The following GFI1B variants were observed in gnomAD, a reference collection of about 807,000 sequenced individuals.
GFI1B encodes growth factor independent 1B transcriptional repressor, also known as zinc finger protein Gfi-1b.
GFI1B carries 20 observed loss-of-function variants against 35.3 expected under a neutral mutation model. The observed-to-expected ratio is 0.57, with a 90% confidence interval of 0.40 to 0.82. The LOEUF is 0.82. Among genes scored for constraint, GFI1B ranks in the 40% least tolerant of loss-of-function variants. The pLI is 0.00. For missense variants in GFI1B, 430 were observed against 446.3 expected (o/e 0.96, Z 0.33); for synonymous variants, 178 against 177.6 (o/e 1.00, Z -0.02).
chr9:132,991,580 T>A lies in GFI1B; in HGVS notation c.*530T>A, dbSNP rs15906. On this transcript the variant is annotated 3_prime_UTR_variant, in exon 7 of 7. Transcript: ENST00000372122. ...ACTTCCGACCAGCACTCAGCTGGCC[T>A]CTGGGGATTCTAGCTCCACAACCAG... 27,759 of 158,352 alleles carry A rather than the reference T, an allele frequency of 0.18. 2,734 individuals are homozygous for A. Among genetic ancestry groups the A allele is most frequent in the East Asian group, 0.31 (1,692 of 5,374 alleles). 9.8% of individuals were successfully genotyped at this position (158,352 alleles called of 1,614,324 possible).
chr9:132,979,752 C>G (rs146068435), intron 1 of GFI1B, among the ~76,000 whole-genome samples: 57 of 152,314 alleles, frequency 3.7e-4, no homozygotes, highest in African/African-American at 1.2e-3. Flanking sequence ...AGTGTTGAGG[C>G]ATCTGAGGAG....
At chr9:132,982,368 T>C (rs928386613) in intron 1 of GFI1B, among the ~76,000 whole-genome samples, 1 of 152,152 alleles carries the variant, frequency 6.6e-6, no homozygotes, top group Admixed American at 6.5e-5. Context: ...AGGGGCCTCA[T>C]TACAGGGACA....
At chr9:132,979,844 G>A (rs1848759356) in intron 1 of GFI1B, among the ~76,000 whole-genome samples, 1 of 152,136 alleles carries the variant, frequency 6.6e-6, no homozygotes, top group Admixed American at 6.5e-5. Flanking sequence ...ATTTTTCCGG[G>A]GAGAAAGTCC....
chr9:132,977,020 C>T (rs990289768), upstream of GFI1B, among the ~76,000 whole-genome samples: 4 of 152,166 alleles, frequency 2.6e-5, no homozygotes, highest in Non-Finnish European at 4.4e-5. Context: ...TGCAATGGTG[C>T]GATCTGGACT....
chr9:132,962,113 T>A (rs1259250188), intron 1 of GFI1B, among the ~76,000 whole-genome samples: 1 of 150,536 alleles, frequency 6.6e-6, no homozygotes, highest in Non-Finnish European at 1.5e-5. Flanking sequence ...CACACATGTG[T>A]GCATACAGAA....
downstream of GFI1B, among the ~76,000 whole-genome samples, chr9:132,992,651 C>T (rs1408875867): frequency 1.3e-5 from 2 of 152,202 alleles, no homozygotes; most frequent in Non-Finnish European, 2.9e-5. Context: ...TAGCCATCTC[C>T]TCCATGAAGC....
At chr9:132,975,598 G>T (rs1848614441), upstream of GFI1B, among the ~76,000 whole-genome samples, 2 of 152,112 alleles carry the variant, frequency 1.3e-5, no homozygotes, top group South Asian at 4.1e-4. Context: ...CTACCCTCTA[G>T]ACCAGGAAGG....
In GFI1B at chr9:132,988,447, C is replaced by A; in HGVS notation, c.489C>A (p.Tyr163Ter). 1 of 1,613,866 alleles carries A rather than the reference C, an allele frequency of 6.2e-7. No homozygotes were observed. The change falls in exon 4 of 7, where the codon TAC (tyrosine) becomes TAA (stop). Residue 163 changes from tyrosine (Y) to a stop codon, truncating the protein, a stop_gained. Transcript: ENST00000372122. LOFTEE classifies it high-confidence loss of function. ...SLRYSPGMDA[Y>*]HCVKCNKVFS... ...GCTACTCCCCAGGCATGGATGCGTA[C>A]CACTGTGTGAAGTGCAACAAGGTGG... is the stretch of plus-strand genomic sequence containing the variant.
At chr9:132,969,272 C>G (rs1211437953) in intron 1 of GFI1B, among the ~76,000 whole-genome samples, 1 of 152,196 alleles carries the variant, frequency 6.6e-6, no homozygotes, top group Non-Finnish European at 1.5e-5. Flanking sequence ...CTCAGGAGAT[C>G]CGCCTGCCTC....
At position 132,991,160 on chromosome 9, in the gene GFI1B, G is replaced by A. The variant is rs1849283070; in HGVS notation, c.*110G>A. ...CTCCTGGAGGTGGGACTGGACAGGA[G>A]TCTACCAGCTTGTTTTGAGACTCAT... On this transcript the variant is annotated 3_prime_UTR_variant, in exon 7 of 7. Coordinates refer to ENST00000372122, the MANE Select transcript of GFI1B (RefSeq NM_001377304.1). 2.0e-6 allele frequency: 2 copies of A among 978,724 alleles called. No individual in the cohort carries two copies. Among genetic ancestry groups the A allele is most frequent in the African/African-American group, 1.6e-5 (1 of 62,568 alleles). 60.6% of individuals were successfully genotyped at this position (978,724 alleles called of 1,614,324 possible). A position where few individuals can be genotyped will look rare whatever the true frequency, so the allele number is the denominator to read the frequency against.
At chr9:132,964,154 C>T (rs1848413432) in intron 1 of GFI1B, among the ~76,000 whole-genome samples, 1 of 152,136 alleles carries the variant, frequency 6.6e-6, no homozygotes, top group East Asian at 1.9e-4. Context: ...GCAGGAAAAT[C>T]GCTTGAACCT....
chr9:132,956,691 G>T (rs1277232118), intron 1 of GFI1B, among the ~76,000 whole-genome samples: 1 of 152,186 alleles, frequency 6.6e-6, no homozygotes, highest in Non-Finnish European at 1.5e-5. Context: ...TATTGCTGTG[G>T]AGCAATTAAT....
intron 1 of GFI1B, among the ~76,000 whole-genome samples, chr9:132,961,972 C>T (rs929363916): frequency 2.0e-4 from 31 of 151,754 alleles, no homozygotes; most frequent in Middle Eastern, 3.4e-3. Flanking sequence ...GAGGACAGGA[C>T]TGCACACCCT....
intron 1 of GFI1B, among the ~76,000 whole-genome samples, chr9:132,968,882 A>T (rs1848489852): frequency 6.6e-6 from 1 of 152,154 alleles, no homozygotes; most frequent in South Asian, 2.1e-4. Context: ...GTACGTTCAT[A>T]TCAGTCCACA....
upstream of GFI1B, among the ~76,000 whole-genome samples, chr9:132,977,391 G>T (rs1052092471): frequency 6.6e-6 from 1 of 152,194 alleles, no homozygotes; most frequent in Non-Finnish European, 1.5e-5. Flanking sequence ...CCACAGGGTT[G>T]TGTCCTCCTG....
At chr9:132,983,446 C>G (rs374321696) in intron 1 of GFI1B, among the ~76,000 whole-genome samples, 1 of 152,042 alleles carries the variant, frequency 6.6e-6, no homozygotes, top group Non-Finnish European at 1.5e-5. Flanking sequence ...CCGTCCGCCT[C>G]GGCCTCCCAA....
intron 1 of GFI1B, among the ~76,000 whole-genome samples, chr9:132,959,903 C>A (rs1450755027): frequency 6.6e-6 from 1 of 152,180 alleles, no homozygotes; most frequent in Non-Finnish European, 1.5e-5. Context: ...CCCACCTCAA[C>A]CCAGTGTGAA....
At chr9:132,983,787 G>T (rs1848921445) in intron 1 of GFI1B, among the ~76,000 whole-genome samples, 1 of 152,222 alleles carries the variant, frequency 6.6e-6, no homozygotes, top group Non-Finnish European at 1.5e-5. Context: ...GCCCATGCCG[G>T]GCACTGCCCA....
intron 1 of GFI1B, among the ~76,000 whole-genome samples, chr9:132,962,066 CTA>C: frequency 2.1e-5 from 1 of 48,004 alleles, no homozygotes; most frequent in East Asian, 3.8e-4. Flanking sequence ...CACCTACACT[CTA>C]CACACACACA....
Sources: allele counts gnomAD v4.1 joint callset (sites outside exome capture counted in the v4.1 genomes callset), GRCh38; gene constraint gnomAD v4.1.1; transcripts MANE v1.5; gene names NCBI Gene and HGNC (gene_info 2026-07-23, HGNC 2026-07-21).